Variants in SP4 observed in about 807,000 individuals in gnomAD.
SP4 encodes the protein transcription factor Sp4.
Under a neutral mutation model 72.8 loss-of-function variants are expected in SP4, and 19 were observed. The observed-to-expected ratio is 0.26, with a 90% CI of 0.18 to 0.38. The LOEUF (loss-of-function observed/expected upper bound fraction) is 0.38, where lower values mean the gene tolerates loss of function less well. SP4 is among the 10% of genes least tolerant of loss of function. The probability of loss-of-function intolerance (pLI) is 1.00; values close to 1 mark genes in which losing one functional copy is unlikely to be tolerated. For missense variants in SP4, 1,008 were observed against 926.3 expected (o/e 1.09, Z -1.14); for synonymous variants, 395 against 333.1 (o/e 1.19, Z -2.02).
chr7:21,470,455 T>A (rs1784300475), intron 3 of SP4, among the ~76,000 whole-genome samples: 1 of 152,218 alleles, frequency 6.6e-6, no homozygotes, highest in Non-Finnish European at 1.5e-5. Context: ...AGTTAGAATT[T>A]GTTGGCTTAG....
At chr7:21,509,321 T>G (rs1782085950) in intron 5 of SP4, among the ~76,000 whole-genome samples, 1 of 152,296 alleles carries the variant, frequency 6.6e-6, no homozygotes, top group Admixed American at 6.5e-5. Flanking sequence ...TGACCTTTTT[T>G]TTCTCTCCTT....
intron 3 of SP4, among the ~76,000 whole-genome samples, chr7:21,461,334 G>A (rs1429804190): frequency 6.6e-6 from 1 of 152,176 alleles, no homozygotes; most frequent in African/African-American, 2.4e-5. Flanking sequence ...ACGGCTGGGT[G>A]GGGGTAGACT....
At chr7:21,504,932 C>T (rs1210134299) in intron 5 of SP4, among the ~76,000 whole-genome samples, 1 of 152,156 alleles carries the variant, frequency 6.6e-6, no homozygotes, top group Non-Finnish European at 1.5e-5. Context: ...CTTCCCTCCC[C>T]AGGTTTGAGT....
chr7:21,457,852 C>T (rs979559329), intron 3 of SP4, among the ~76,000 whole-genome samples: 5 of 151,556 alleles, frequency 3.3e-5, no homozygotes, highest in Admixed American at 2.0e-4. Context: ...GGAGTGCAGT[C>T]GCACATATGT....
At chr7:21,496,569 C>G (rs57978819) in intron 5 of SP4, among the ~76,000 whole-genome samples, 12,545 of 152,202 alleles carry the variant, frequency 0.082, 1,080 homozygotes, top group East Asian at 0.27. Flanking sequence ...TAGATTTTCT[C>G]TTTGTCTTTG....
chr7:21,438,005 CTT>C (rs778336243), intron 3 of SP4, among the ~76,000 whole-genome samples: 1 of 140,476 alleles, frequency 7.1e-6, no homozygotes. Flanking sequence ...ATATGAGGGG[CTT>C]TTTTTTTTTT....
chr7:21,506,683 A>G (rs527658691), intron 5 of SP4, among the ~76,000 whole-genome samples: 2 of 152,082 alleles, frequency 1.3e-5, no homozygotes, highest in African/African-American at 2.4e-5. Context: ...CTTTCCATCC[A>G]TCAATCTTTT....
At chr7:21,497,488 T>C (rs1280195643) in intron 5 of SP4, among the ~76,000 whole-genome samples, 1 of 151,438 alleles carries the variant, frequency 6.6e-6, no homozygotes, top group Non-Finnish European at 1.5e-5. Context: ...AATGGTTGCT[T>C]TTGACAGTTT....
At position 21,510,330 on chromosome 7, in the gene SP4, A is replaced by G. The variant is rs540172919; in HGVS notation, c.2108-692A>G. Among the ~76,000 whole-genome samples the G allele has an allele frequency of 2.0e-5, 3 of 152,338 alleles. No homozygotes were observed. In the South Asian group the frequency reaches 6.2e-4, roughly 32 times the overall value. On this transcript the variant is annotated intron_variant, in intron 5 of 5. Transcript: ENST00000222584. ...CAAATTTTGATATGCCTCATTTATT[A>G]TACACAAAAACAAAAAGGCCTTTTT... is the stretch of plus-strand genomic sequence containing the variant.
At position 21,460,403 on chromosome 7, in the gene SP4, C is replaced by T. The variant is rs183861170; in HGVS notation, c.1679-16676C>T. Among the ~76,000 whole-genome samples, 67 of 147,632 alleles carry T rather than the reference C, an allele frequency of 4.5e-4. No individual in the cohort carries two copies. The East Asian group carries it at 9.6e-3, about 21-fold the overall frequency. On this transcript the variant is annotated intron_variant, in intron 3 of 5. Coordinates refer to ENST00000222584, the MANE Select transcript of SP4 (RefSeq NM_003112.5). ...AGTCGTTTTTTCCTCCCGGTGGGTT[C>T]GTGGTCTCGCTGGCTTCAGGAGTGA...
chr7:21,502,468 T>C (rs1471090088), intron 5 of SP4, among the ~76,000 whole-genome samples: 1 of 151,798 alleles, frequency 6.6e-6, no homozygotes, highest in Non-Finnish European at 1.5e-5. Context: ...CTCTTACAAG[T>C]CTCATTTTCC....
At chr7:21,466,689 T>C (rs1463276000) in intron 3 of SP4, among the ~76,000 whole-genome samples, 1 of 152,190 alleles carries the variant, frequency 6.6e-6, no homozygotes, top group East Asian at 1.9e-4. Context: ...TTTCTTAATA[T>C]TTTCATTTAT....
intron 3 of SP4, among the ~76,000 whole-genome samples, chr7:21,476,684 C>T (rs1033465063): frequency 1.3e-5 from 2 of 152,074 alleles, no homozygotes; most frequent in African/African-American, 2.4e-5. Flanking sequence ...TGTTGCTTAC[C>T]GTGGAAATGG....
chr7:21,514,529 T>A lies in SP4; in HGVS notation c.*3260T>A, dbSNP rs1468002460. ...TAACATTTCACTTGTAAATTTTTTTTGTAAAAAAAAAAAAATGAAAAAAAA... is the reference window on the plus strand; with the variant it reads ...TAACATTTCACTTGTAAATTTTTTTAGTAAAAAAAAAAAAATGAAAAAAAA... On this transcript the variant is annotated 3_prime_UTR_variant, in exon 6 of 6. Transcript: ENST00000222584. 2 of 46,710 alleles carry A rather than the reference T, an allele frequency of 4.3e-5. No individual in the cohort carries two copies. The highest frequency in any genetic ancestry group is 2.2e-4 in the African/African-American group (2 of 8,964). The allele number at this position is 46,710 out of a possible 1,614,324, so 2.9% of individuals were successfully genotyped here.
chr7:21,435,288 A>C lies in SP4; in HGVS notation c.1678+4445A>C, dbSNP rs1783012038. On this transcript the variant is annotated intron_variant, in intron 3 of 5. Coordinates refer to ENST00000222584, the MANE Select transcript of SP4 (RefSeq NM_003112.5). ...ATACTGCTGACCCTTCAAGAACTTG[A>C]CTCTCTTACCTAATTTCTTTACTTC... is the stretch of plus-strand genomic sequence containing the variant. Among the ~76,000 whole-genome samples the C allele has an allele frequency of 2.0e-5, 3 of 152,094 alleles. No homozygotes were observed. In the South Asian group the frequency reaches 6.2e-4, roughly 31 times the overall value.
At chr7:21,475,613 G>A (rs745667166) in intron 3 of SP4, among the ~76,000 whole-genome samples, 3 of 151,874 alleles carry the variant, frequency 2.0e-5, no homozygotes, top group East Asian at 1.9e-4. Flanking sequence ...ACAGGCGCCC[G>A]CCACCACGCC....
rs754638505 is a variant in SP4 at position 21,513,290 on chromosome 7, T to G, written c.*2021T>G. ...AGTTTGTATAAAAAAGCTTTGAGAT[T>G]AAAGGAAAAAAAAAATTTTTACACT... On this transcript the variant is annotated 3_prime_UTR_variant, in exon 6 of 6. Transcript: ENST00000222584. The G allele has an allele frequency of 6.6e-6, 1 of 151,826 alleles. No individual in the cohort carries two copies. The highest frequency in any genetic ancestry group is 2.1e-4 in the South Asian group (1 of 4,828). 9.4% of individuals were successfully genotyped at this position (151,826 alleles called of 1,614,324 possible).
intron 3 of SP4, among the ~76,000 whole-genome samples, chr7:21,452,433 T>C (rs1783628553): frequency 6.6e-6 from 1 of 152,184 alleles, no homozygotes; most frequent in South Asian, 2.1e-4. Context: ...TTGTCTTGCT[T>C]GGGGCTCCTG....
intron 5 of SP4, among the ~76,000 whole-genome samples, chr7:21,503,849 C>A (rs1781928137): frequency 6.6e-6 from 1 of 152,190 alleles, no homozygotes; most frequent in African/African-American, 2.4e-5. Flanking sequence ...GCTTGTTTAG[C>A]AAGGGTATAA....
Sources: allele counts gnomAD v4.1 joint callset (sites outside exome capture counted in the v4.1 genomes callset), GRCh38; gene constraint gnomAD v4.1.1; transcripts MANE v1.5; gene names NCBI Gene and HGNC (gene_info 2026-07-23, HGNC 2026-07-21).